Variants in H4C15 observed in about 807,000 individuals in gnomAD.
H4C15 encodes the protein H4 clustered histone 15.
downstream of H4C15, chr1:149,850,408 C>T (rs782332959): frequency 5.2e-5 from 58 of 1,113,952 alleles, no homozygotes; most frequent in African/African-American, 3.6e-4. Context: ...TTGGAGCTGG[C>T]GTACTTGGTG....
Sources: allele counts gnomAD v4.1 joint callset, GRCh38; gene constraint gnomAD v4.1.1; transcripts MANE v1.5; gene names NCBI Gene and HGNC (gene_info 2026-07-23, HGNC 2026-07-21).